The following IGF2R variants were observed in gnomAD, a reference collection of about 807,000 sequenced individuals.
IGF2R encodes the protein cation-independent mannose-6-phosphate receptor.
Under a neutral mutation model 270.6 loss-of-function variants are expected in IGF2R, and 91 were observed. The ratio of observed to expected loss-of-function variants is 0.34; its 90% CI spans 0.28 to 0.40. The LOEUF (loss-of-function observed/expected upper bound fraction) is 0.40, where lower values mean the gene tolerates loss of function less well. Ranked by LOEUF, IGF2R falls within the 10% of genes least tolerant of loss-of-function variation. IGF2R has a pLI of 1.00. For synonymous variants in IGF2R, 1,316 were observed against 1,258.9 expected, an observed-to-expected ratio of 1.05 and a Z score of -0.96; for missense variants, 2,805 against 3,188.3, an observed-to-expected ratio of 0.88 and a Z score of 2.90.
rs890214901 is a variant in IGF2R at position 160,060,591 on chromosome 6, G to A, written c.3136G>A (p.Val1046Ile). The change falls in exon 23 of 48, where the codon GTT (valine) becomes ATT (isoleucine). Residue 1046 changes from valine to isoleucine, a missense_variant. By Grantham distance (29) the Val-to-Ile change is conservative (BLOSUM62 3). This residue lies in a region of IGF2R where 1,851 missense variants were observed against 2,207.2 expected (regional missense o/e 0.84). Coordinates refer to ENST00000356956, the MANE Select transcript of IGF2R (RefSeq NM_000876.4). ...CGTCCGCTTTGTTTGCAATGATGAT[G>A]TTTACTCAGGGCCCCTCAAATTCCT... The part of the protein sequence containing the change: ...FIVRFVCNDD[V>I]YSGPLKFLHQ... 1 of 1,614,262 alleles carries A rather than the reference G, an allele frequency of 6.2e-7. No homozygotes were observed. Among genetic ancestry groups the A allele is most frequent in the Non-Finnish European group, 8.5e-7 (1 of 1,180,046 alleles).
chr6:160,005,075 A>C (rs1784194561), intron 2 of IGF2R: 1 of 152,264 alleles, frequency 6.6e-6, no homozygotes, highest in Admixed American at 6.5e-5. Context: ...TCCTCAGTCC[A>C]GCGCTTAGGT....
At position 160,043,147 on chromosome 6, in the gene IGF2R, G is replaced by C; in HGVS notation, c.1481-1G>C. 6.2e-7 allele frequency: 1 copy of C among 1,613,878 alleles called. No individual in the cohort carries two copies. The highest frequency in any genetic ancestry group is 8.5e-7 in the Non-Finnish European group (1 of 1,179,894). On this transcript the variant is annotated splice_acceptor_variant, in intron 11 of 47. Transcript: ENST00000356956. LOFTEE classifies it high-confidence loss of function. ...TAAAATACACTTTTGTTTTGTTACA[G>C]AACCAGAGCAGAATTGGGAAGCTGT...
intron 1 of IGF2R, among the ~76,000 whole-genome samples, chr6:159,986,647 T>G (rs1425783184): frequency 1.3e-5 from 2 of 152,190 alleles, no homozygotes; most frequent in African/African-American, 2.4e-5. Context: ...CCACACAGCT[T>G]GCAGATACTT....
chr6:160,057,294 C>T (rs1182578927), intron 20 of IGF2R, among the ~76,000 whole-genome samples: 2 of 152,368 alleles, frequency 1.3e-5, no homozygotes, highest in South Asian at 2.1e-4. Context: ...TGCTCAGTGA[C>T]GTTCTCTCTG....
chr6:160,099,030 T>C (rs886703197), intron 45 of IGF2R, among the ~76,000 whole-genome samples: 5 of 152,164 alleles, frequency 3.3e-5, no homozygotes, highest in Non-Finnish European at 7.3e-5. Context: ...TCTTTCACAA[T>C]ATTTGATTAA....
intron 45 of IGF2R, among the ~76,000 whole-genome samples, chr6:160,099,662 C>T (rs907644393): frequency 7.2e-5 from 11 of 152,134 alleles, no homozygotes; most frequent in Non-Finnish European, 1.3e-4. Flanking sequence ...CCACCGTGCC[C>T]GGCCTCATCA....
chr6:159,987,975 C>T (rs1341797824), intron 1 of IGF2R, among the ~76,000 whole-genome samples: 1 of 152,150 alleles, frequency 6.6e-6, no homozygotes, highest in African/African-American at 2.4e-5. Context: ...TAATAGGCTC[C>T]TCCTTTCCTA....
intron 1 of IGF2R, among the ~76,000 whole-genome samples, chr6:159,989,062 G>T (rs915833165): frequency 6.6e-6 from 1 of 152,110 alleles, no homozygotes; most frequent in African/African-American, 2.4e-5. Context: ...GTCATACCCC[G>T]AGGGTATCAC....
intron 44 of IGF2R, among the ~76,000 whole-genome samples, chr6:160,092,639 A>T (rs193225263): frequency 2.0e-5 from 3 of 152,306 alleles, no homozygotes; most frequent in East Asian, 1.9e-4. Flanking sequence ...GCTGTCTCTC[A>T]TCAGGACGTG....
At chr6:159,989,517 C>T (rs1783944644) in intron 1 of IGF2R, among the ~76,000 whole-genome samples, 1 of 152,190 alleles carries the variant, frequency 6.6e-6, no homozygotes, top group Non-Finnish European at 1.5e-5. Flanking sequence ...TGGGCCTAGC[C>T]TAAGCAATTC....
chr6:160,046,734 C>A, intron 15 of IGF2R, 89 bp downstream of exon 15: 1 of 1,358,438 alleles, frequency 7.4e-7, no homozygotes, highest in Non-Finnish European at 1.0e-6. Context: ...CACTTAATGT[C>A]ATTGCTTTAT....
chr6:159,972,871 G>C (rs184645357), intron 1 of IGF2R, among the ~76,000 whole-genome samples: 1 of 151,988 alleles, frequency 6.6e-6, no homozygotes, highest in African/African-American at 2.4e-5. Context: ...TTGAAGCAGC[G>C]CTTTAAATAA....
chr6:159,973,792 T>G, intron 1 of IGF2R, among the ~76,000 whole-genome samples: 1 of 152,168 alleles, frequency 6.6e-6, no homozygotes. Flanking sequence ...GAGAGAGGGA[T>G]TTTTAAAAGA....
Position 160,073,457 on chromosome 6 carries a change from C to A in IGF2R, c.4935C>A (p.Ala1645=), listed in dbSNP as rs775557537. The A allele has an allele frequency of 4.3e-6, 7 of 1,614,218 alleles. No homozygotes were observed. The South Asian group carries it at 6.6e-5, about 15-fold the overall frequency. Reference sequence around the variant, plus strand: ...TCTTCTCCTGGCACACGCCGCTGGCCTGCGAGCAAGCGGTGAGTTTTCAGA... The same window carrying A: ...TCTTCTCCTGGCACACGCCGCTGGCATGCGAGCAAGCGGTGAGTTTTCAGA... ...TLFFSWHTPL[A]CEQATECSVR... The change falls in exon 34 of 48, where the codon GCC becomes GCA. Residue 1645 remains alanine (A), a synonymous_variant. Transcript: ENST00000356956.
At chr6:160,086,376 A>C (rs920035844) in intron 41 of IGF2R, among the ~76,000 whole-genome samples, 8 of 152,214 alleles carry the variant, frequency 5.3e-5, no homozygotes, top group Non-Finnish European at 1.0e-4. Flanking sequence ...TCTAAGGACA[A>C]CCACGGTGCC....
chr6:160,030,561 G>C lies in IGF2R; in HGVS notation c.882+906G>C, dbSNP rs181690031. The stretch of plus-strand genomic sequence containing the variant: ...CTGATGTTTGTTCTGAATGTGAATG[G>C]GGAGGAATATTTATTCACACTTTTC... On this transcript the variant is annotated intron_variant, in intron 7 of 47. Transcript: ENST00000356956. Among the ~76,000 whole-genome samples the C allele has an allele frequency of 2.6e-5, 4 of 152,230 alleles. No individual in the cohort carries two copies. In the East Asian group the frequency reaches 7.7e-4, roughly 29 times the overall value.
intron 41 of IGF2R, among the ~76,000 whole-genome samples, chr6:160,085,799 A>C (rs1779086323): frequency 6.6e-6 from 1 of 152,216 alleles, no homozygotes. Flanking sequence ...GAATTCCGAG[A>C]AAACTACTGC....
Position 160,062,566 on chromosome 6 carries a change from A to T in IGF2R, c.3617A>T (p.Glu1206Val). The T allele has an allele frequency of 1.2e-6, 2 of 1,613,954 alleles. No individual in the cohort carries two copies. The highest frequency in any genetic ancestry group is 1.7e-6 in the Non-Finnish European group (2 of 1,179,862). The change falls in exon 26 of 48, where the codon GAG becomes GTG. Residue 1206 changes from glutamate (E) to valine (V), a missense_variant. Physicochemically the swap from Glu to Val is moderately radical, Grantham distance 121. Coordinates refer to ENST00000356956, the MANE Select transcript of IGF2R (RefSeq NM_000876.4). ...GCATTTCAGCTTCAGGATGGTTGTG[A>T]GTACGTGTTTATCTGGAGAACTGTG... ...SPAFQLQDGC[E>V]YVFIWRTVEA...
At chr6:160,040,347 T>A (rs1452390372) in intron 10 of IGF2R, among the ~76,000 whole-genome samples, 1 of 152,208 alleles carries the variant, frequency 6.6e-6, no homozygotes, top group East Asian at 1.9e-4. Context: ...GTGAAAGGCA[T>A]GCTGGCCTGC....
Sources: gnomAD v4.1 joint callset for allele counts (sites outside exome capture counted in the v4.1 genomes callset) on GRCh38, gnomAD v4.1.1 for gene constraint, gnomAD v4.1.1 regional missense constraint, MANE v1.5 for transcripts, NCBI Gene and HGNC (gene_info 2026-07-23, HGNC 2026-07-21) for gene names.